PCDH7: variants seen among roughly 807,000 people sequenced by gnomAD.
The protein encoded by PCDH7 is protocadherin-7.
A neutral mutation model predicts 58.9 loss-of-function variants in PCDH7; 17 were observed. That is an observed-to-expected ratio of 0.29 (90% confidence interval 0.20 to 0.43). PCDH7 has a LOEUF of 0.43. Ranked by LOEUF, PCDH7 falls within the 20% of genes least tolerant of loss-of-function variation. PCDH7 has a pLI of 1.00. For synonymous variants in PCDH7, 664 were observed against 616.4 expected (o/e 1.08, Z -1.14); for missense variants, 1,274 against 1,441.0 (o/e 0.88, Z 1.88).
At chr4:31,144,405 A>T (rs942712974), downstream of PCDH7, 4 of 152,216 alleles carry the variant, frequency 2.6e-5, no homozygotes, top group African/African-American at 9.6e-5. Flanking sequence ...CACTCTATAG[A>T]GGATAACCTA....
intron 1 of PCDH7, among the ~76,000 whole-genome samples, chr4:30,819,360 C>G (rs1353028480): frequency 1.3e-5 from 2 of 152,034 alleles, no homozygotes; most frequent in Non-Finnish European, 2.9e-5. Context: ...TAGATAGACT[C>G]TGATTTAAAT....
At chr4:31,125,463 AT>A (rs372665602) in intron 3 of PCDH7, among the ~76,000 whole-genome samples, 121 of 152,204 alleles carry the variant, frequency 7.9e-4, no homozygotes, top group African/African-American at 2.7e-3. Flanking sequence ...GACAAAGAAG[AT>A]TTTTTTCTTT....
At chr4:30,905,689 C>G (rs963370258) in intron 1 of PCDH7, among the ~76,000 whole-genome samples, 2 of 152,148 alleles carry the variant, frequency 1.3e-5, no homozygotes, top group Non-Finnish European at 2.9e-5. Flanking sequence ...TTGTCAATAT[C>G]TCTTTTCCTG....
At chr4:30,933,171 C>T (rs1456360424) in intron 2 of PCDH7, among the ~76,000 whole-genome samples, 3 of 152,070 alleles carry the variant, frequency 2.0e-5, no homozygotes, top group Non-Finnish European at 4.4e-5. Flanking sequence ...GGACTACAGG[C>T]GCATGCTACC....
intron 3 of PCDH7, among the ~76,000 whole-genome samples, chr4:31,081,429 C>T (rs563525262): frequency 3.3e-5 from 5 of 152,248 alleles, no homozygotes; most frequent in Admixed American, 6.5e-5. Context: ...TCTTATATAA[C>T]ATTTTATAAA....
intron 2 of PCDH7, among the ~76,000 whole-genome samples, chr4:30,932,147 G>A (rs935339708): frequency 3.9e-5 from 6 of 152,076 alleles, no homozygotes; most frequent in Admixed American, 1.3e-4. Context: ...GTAATACTAT[G>A]TAAGTAGGTG....
intron 1 of PCDH7, among the ~76,000 whole-genome samples, chr4:30,777,489 T>C (rs1340556664): frequency 1.3e-5 from 2 of 152,146 alleles, no homozygotes; most frequent in Non-Finnish European, 2.9e-5. Context: ...TTACGTCCTA[T>C]GAATATTATG....
In PCDH7 at chr4:30,754,186, G is replaced by GTT. The variant is rs1483129023; in HGVS notation, c.70+29591_70+29592insTT. ...GGTGTGTGTGTGTGTGTGTGTGTGT[G>GTT]TGTTTTTTCTGGAGGGAGGAGGAAG... On this transcript the variant is annotated intron_variant, in intron 1 of 3. Coordinates refer to the PCDH7 transcript ENST00000509759. Among the ~76,000 whole-genome samples the GTT allele has an allele frequency of 1.5e-3, 206 of 140,730 alleles. 2 individuals are homozygous for GTT. The highest frequency in any genetic ancestry group is 6.0e-3 in the African/African-American group (195 of 32,750). The allele number at this position is 140,730 out of a possible 152,430, so 92.3% of individuals were successfully genotyped here. A position where few individuals can be genotyped will look rare whatever the true frequency, so the allele number is the denominator to read the frequency against.
chr4:31,067,289 G>A (rs1758165120), intron 3 of PCDH7, among the ~76,000 whole-genome samples: 2 of 148,884 alleles, frequency 1.3e-5, no homozygotes, highest in South Asian at 4.2e-4. Flanking sequence ...GGGAACCACT[G>A]TTCCAGGGAT....
intron 1 of PCDH7, chr4:30,776,350 T>A (rs1423271524): frequency 6.6e-6 from 1 of 152,250 alleles, no homozygotes; most frequent in Non-Finnish European, 1.5e-5. Context: ...ATGTTTGTTC[T>A]GTTTTCTAAC....
chr4:30,779,663 C>T (rs1016336604), intron 1 of PCDH7, among the ~76,000 whole-genome samples: 1 of 152,122 alleles, frequency 6.6e-6, no homozygotes, highest in Admixed American at 6.5e-5. Context: ...CTAATTTTGT[C>T]CTATCTCACA....
In PCDH7 at chr4:30,893,252, T is replaced by C. The variant is rs888876610; in HGVS notation, c.71-26901T>C. 2.6e-5 allele frequency among the ~76,000 whole-genome samples: 4 copies of C among 152,108 alleles called. 1 individual carries two copies. The East Asian group carries it at 7.7e-4, about 29-fold the overall frequency. On this transcript the variant is annotated intron_variant, in intron 1 of 3. Coordinates refer to the PCDH7 transcript ENST00000509759. ...TTCTTTAACCGTTAAAATAAGATAC[T>C]ATTTTCAGTAATCAACTTTTCCAAG...
At chr4:31,139,400 T>A (rs1719988889) in intron 3 of PCDH7, among the ~76,000 whole-genome samples, 1 of 152,168 alleles carries the variant, frequency 6.6e-6, no homozygotes, top group African/African-American at 2.4e-5. Flanking sequence ...TACTAAAGCA[T>A]AAAATAATGT....
At position 31,078,851 on chromosome 4, in the gene PCDH7, C is replaced by T. The variant is rs182772425; in HGVS notation, c.*8-63622C>T. 7.2e-5 allele frequency among the ~76,000 whole-genome samples: 11 copies of T among 151,992 alleles called. No individual in the cohort carries two copies. The East Asian group carries it at 1.7e-3, about 24-fold the overall frequency. On this transcript the variant is annotated intron_variant, in intron 3 of 3. Transcript: ENST00000509759. ...CACAGTGGTTAAGAGGATGGTATTG[C>T]AGATTGCACAATGTTAGACAAAACA...
At chr4:30,877,474 G>T (rs571288087) in intron 1 of PCDH7, among the ~76,000 whole-genome samples, 1 of 152,182 alleles carries the variant, frequency 6.6e-6, no homozygotes, top group East Asian at 1.9e-4. Flanking sequence ...TAAGGCAACC[G>T]TGCTTTTGTG....
intron 1 of PCDH7, among the ~76,000 whole-genome samples, chr4:30,742,645 G>A (rs1717231760): frequency 6.6e-6 from 1 of 152,102 alleles, no homozygotes; most frequent in Non-Finnish European, 1.5e-5. Flanking sequence ...ATTATATCAT[G>A]CATATTTGTG....
chr4:30,832,775 C>G (rs1435084913), intron 1 of PCDH7, among the ~76,000 whole-genome samples: 1 of 152,158 alleles, frequency 6.6e-6, no homozygotes. Context: ...AATGAGGACA[C>G]AGTTCCTCTC....
At chr4:30,866,082 G>A (rs1253307370) in intron 1 of PCDH7, among the ~76,000 whole-genome samples, 1 of 152,008 alleles carries the variant, frequency 6.6e-6, no homozygotes, top group East Asian at 1.9e-4. Context: ...TCTTTTTAAA[G>A]CTCTCTTATT....
chr4:30,974,763 T>C (rs905435796), intron 3 of PCDH7, among the ~76,000 whole-genome samples: 1 of 152,086 alleles, frequency 6.6e-6, no homozygotes, highest in Admixed American at 6.5e-5. Context: ...AGTGCTGGAG[T>C]TTCACCCTTT....
Sources: allele counts gnomAD v4.1 joint callset (sites outside exome capture counted in the v4.1 genomes callset), GRCh38; gene constraint gnomAD v4.1.1; transcripts MANE v1.5; gene names NCBI Gene and HGNC (gene_info 2026-07-23, HGNC 2026-07-21).